Variants in PARPBP observed in about 807,000 individuals in gnomAD.
The protein encoded by PARPBP is PARP1 binding protein.
A neutral mutation model predicts 50.0 loss-of-function variants in PARPBP; 52 were observed. The ratio of observed to expected loss-of-function variants is 1.04; its 90% CI spans 0.83 to 1.31. The LOEUF (loss-of-function observed/expected upper bound fraction) is 1.31. Among genes scored for constraint, PARPBP ranks in the 50% most tolerant of loss-of-function variants. PARPBP has a pLI of 0.00. For synonymous variants in PARPBP, 244 were observed against 232.1 expected (o/e 1.05, Z -0.47); for missense variants, 697 against 672.0 (o/e 1.04, Z -0.41).
chr12:102,197,352 G>T lies in PARPBP; in HGVS notation c.*1061G>T. On this transcript the variant is annotated 3_prime_UTR_variant, in exon 11 of 11. Coordinates refer to ENST00000327680, the MANE Select transcript of PARPBP (RefSeq NM_017915.5). ...ACTTTCAGATAAGAGGTGTTTGCTGGGATGGAAGAACTACCTGGCATGTAA... is the reference window on the plus strand; with the variant it reads ...ACTTTCAGATAAGAGGTGTTTGCTGTGATGGAAGAACTACCTGGCATGTAA... 2.5e-6 allele frequency: 2 copies of T among 802,732 alleles called. No homozygotes were observed. The highest frequency in any genetic ancestry group is 2.6e-5 in the East Asian group (1 of 38,066). 49.7% of individuals were successfully genotyped at this position (802,732 alleles called of 1,614,324 possible). A position where few individuals can be genotyped will look rare whatever the true frequency, so the allele number is the denominator to read the frequency against.
chr12:102,123,160 A>G (rs189256682), intron 1 of PARPBP, among the ~76,000 whole-genome samples: 53 of 152,332 alleles, frequency 3.5e-4, no homozygotes, highest in African/African-American at 1.0e-3. Flanking sequence ...AAAGGCATCC[A>G]CTGTCTGACA....
chr12:102,136,429 G>A (rs1883641973), intron 2 of PARPBP, among the ~76,000 whole-genome samples: 1 of 152,148 alleles, frequency 6.6e-6, no homozygotes, highest in African/African-American at 2.4e-5. Flanking sequence ...AAAGAAATAA[G>A]TAGATTTTTT....
At chr12:102,147,264 C>T (rs1017549966) in intron 2 of PARPBP, among the ~76,000 whole-genome samples, 5 of 152,154 alleles carry the variant, frequency 3.3e-5, no homozygotes, top group Non-Finnish European at 5.9e-5. Flanking sequence ...GACACATGCA[C>T]ACATATGTTT....
chr12:102,184,556 C>G (rs995326193), intron 9 of PARPBP, among the ~76,000 whole-genome samples: 2 of 152,100 alleles, frequency 1.3e-5, no homozygotes, highest in Non-Finnish European at 2.9e-5. Flanking sequence ...GATCTCATAA[C>G]TACCATGAAA....
chr12:102,193,513 A>C (rs1289697593), intron 9 of PARPBP, among the ~76,000 whole-genome samples: 4 of 151,964 alleles, frequency 2.6e-5, no homozygotes. Context: ...TATACTCTTT[A>C]TAACTCTTTA....
At position 102,123,989 on chromosome 12, in the gene PARPBP, C is replaced by T. The variant is rs1256653766; in HGVS notation, c.101C>T (p.Ala34Val). 2.0e-6 allele frequency: 3 copies of T among 1,534,250 alleles called. No homozygotes were observed. The African/African-American group carries it at 4.1e-5, about 21-fold the overall frequency. Residue 34 changes from alanine (A) to valine (V), a missense_variant, in exon 2 of 11, where the codon GCA becomes GTA. Transcript: ENST00000327680. The stretch of plus-strand genomic sequence containing the variant: ...TCTGAGAGAACTACTCTATGTGGTG[C>T]AGACTCCATGCTCTTGGCATTGCAG... Reference protein sequence around the residue: ...CNSERTTLCGADSMLLALQLS... With the variant: ...CNSERTTLCGVDSMLLALQLS...
chr12:102,136,398 A>C (rs1883636407), intron 2 of PARPBP, among the ~76,000 whole-genome samples: 1 of 152,178 alleles, frequency 6.6e-6, no homozygotes, highest in South Asian at 2.1e-4. Flanking sequence ...ACCTCCTTTC[A>C]TTTATTTATG....
At position 102,164,633 on chromosome 12, in the gene PARPBP, A is replaced by T. The variant is rs542615842; in HGVS notation, c.666+25A>T. On this transcript the variant is annotated intron_variant, in intron 5 of 10. Transcript: ENST00000327680. ...GGTATGGTTGTGTGACATGTTCAAA[A>T]TTAAGACTCCTTGCACAGTGGATCC... The T allele has an allele frequency of 8.8e-6, 14 of 1,599,644 alleles. No individual in the cohort carries two copies. The East Asian group carries it at 2.9e-4, about 33-fold the overall frequency.
intron 2 of PARPBP, among the ~76,000 whole-genome samples, chr12:102,127,610 T>C (rs889299602): frequency 5.3e-5 from 8 of 152,246 alleles, no homozygotes; most frequent in African/African-American, 1.9e-4. Context: ...AGATTCATTT[T>C]TAATAATGAA....
At chr12:102,139,272 T>C (rs1884168661) in intron 2 of PARPBP, among the ~76,000 whole-genome samples, 1 of 152,236 alleles carries the variant, frequency 6.6e-6, no homozygotes, top group African/African-American at 2.4e-5. Context: ...AGTTCACTCA[T>C]GATTTGGCTC....
At chr12:102,173,283 C>T (rs1048522486) in intron 6 of PARPBP, among the ~76,000 whole-genome samples, 2 of 152,072 alleles carry the variant, frequency 1.3e-5, no homozygotes, top group African/African-American at 4.8e-5. Context: ...AAGGGTTTCT[C>T]TAAAAACCTA....
At position 102,148,471 on chromosome 12, in the gene PARPBP, T is replaced by C. The variant is rs1214276664; in HGVS notation, c.387+8T>C. ...TATAACACAGTATCTCCTGTAAGTATTTTTTAAACAATTCTATTTTAATCA... is the reference window on the plus strand; with the variant it reads ...TATAACACAGTATCTCCTGTAAGTACTTTTTAAACAATTCTATTTTAATCA... On this transcript the variant is annotated splice_region_variant and intron_variant, in intron 3 of 10. Coordinates refer to ENST00000327680, the MANE Select transcript of PARPBP (RefSeq NM_017915.5). The C allele has an allele frequency of 5.7e-6, 6 of 1,058,754 alleles. No homozygotes were observed. Among genetic ancestry groups the C allele is most frequent in the Non-Finnish European group, 8.5e-6 (6 of 708,660 alleles). 65.6% of individuals were successfully genotyped at this position (1,058,754 alleles called of 1,614,324 possible).
rs778911433 is a variant in PARPBP at position 102,182,585 on chromosome 12, A to G, written c.1221A>G (p.Leu407=). The change falls in exon 9 of 11, where the codon CTA becomes CTG. Residue 407 remains leucine (L), a synonymous_variant. Transcript: ENST00000327680. ...AGGTGAATAATTCGATAAAACCCCTAAGAGAACGCATCTGTGTGTCAATGC... is the reference window on the plus strand; with the variant it reads ...AGGTGAATAATTCGATAAAACCCCTGAGAGAACGCATCTGTGTGTCAATGC... ...PTQVNNSIKP[L]RERICVSMQE... 3.7e-6 allele frequency: 6 copies of G among 1,612,230 alleles called. No individual in the cohort carries two copies. In the African/African-American group the frequency reaches 5.4e-5, roughly 14 times the overall value.
At chr12:102,181,598 C>A (rs1026277025) in intron 8 of PARPBP, among the ~76,000 whole-genome samples, 3 of 152,094 alleles carry the variant, frequency 2.0e-5, no homozygotes, top group Admixed American at 2.0e-4. Flanking sequence ...ATGTTGTTGA[C>A]CAAAATGTTG....
At chr12:102,192,155 A>C (rs777142898) in intron 9 of PARPBP, among the ~76,000 whole-genome samples, 4 of 152,166 alleles carry the variant, frequency 2.6e-5, no homozygotes, top group Non-Finnish European at 2.9e-5. Flanking sequence ...TCCTAGGATC[A>C]TTGTAGAACT....
chr12:102,129,855 C>G (rs1243190525), intron 2 of PARPBP, among the ~76,000 whole-genome samples: 1 of 152,172 alleles, frequency 6.6e-6, no homozygotes, highest in Admixed American at 6.5e-5. Flanking sequence ...TCCTGTCAAA[C>G]TTCCAGTGAC....
chr12:102,156,176 CTTTTTTTTTTT>C (rs869213784), intron 4 of PARPBP, among the ~76,000 whole-genome samples: 8 of 66,176 alleles, frequency 1.2e-4, no homozygotes, highest in Admixed American at 1.9e-4. Flanking sequence ...ATTAACCTTC[CTTTTTTTTTTT>C]TTTTTTTTTT....
intron 2 of PARPBP, among the ~76,000 whole-genome samples, chr12:102,142,047 G>A (rs1020797349): frequency 2.1e-4 from 32 of 152,134 alleles, no homozygotes; most frequent in African/African-American, 7.5e-4. Context: ...TGCTAGGTTG[G>A]GGAAGTTCTC....
Position 102,145,003 on chromosome 12 carries a change from G to A in PARPBP, c.154-3227G>A, listed in dbSNP as rs891607847. 3.3e-5 allele frequency among the ~76,000 whole-genome samples: 5 copies of A among 152,168 alleles called. 1 individual carries two copies. The highest frequency in any genetic ancestry group is 1.3e-4 in the Admixed American group (2 of 15,294). On this transcript the variant is annotated intron_variant, in intron 2 of 10. Coordinates refer to ENST00000327680, the MANE Select transcript of PARPBP (RefSeq NM_017915.5). ...TGACACAACAGGCCCCTGCACTAAG[G>A]ACAATGAGGATAATTTTTTTAGTTG...
Sources: allele counts gnomAD v4.1 joint callset (sites outside exome capture counted in the v4.1 genomes callset), GRCh38; gene constraint gnomAD v4.1.1; transcripts MANE v1.5; gene names NCBI Gene and HGNC (gene_info 2026-07-23, HGNC 2026-07-21).